The following ITGA9 variants were observed in gnomAD, a reference collection of about 807,000 sequenced individuals.
ITGA9 encodes integrin alpha-9.
Under a neutral mutation model 127.8 loss-of-function variants are expected in ITGA9, and 56 were observed. That is an observed-to-expected ratio of 0.44 (90% CI 0.35 to 0.55). ITGA9 has a LOEUF of 0.55. Among genes scored for constraint, ITGA9 ranks in the 20% least tolerant of loss-of-function variants. The probability of loss-of-function intolerance (pLI) is 0.00; values close to 1 mark genes in which losing one functional copy is unlikely to be tolerated. For missense variants in ITGA9, 1,196 were observed against 1,347.1 expected, an observed-to-expected ratio of 0.89 and a Z score of 1.76; for synonymous variants, 508 against 514.5, an observed-to-expected ratio of 0.99 and a Z score of 0.17.
intron 15 of ITGA9, among the ~76,000 whole-genome samples, chr3:37,550,948 A>G (rs1459011003): frequency 6.6e-6 from 1 of 152,150 alleles, no homozygotes; most frequent in African/African-American, 2.4e-5. Flanking sequence ...ACTGGTGAGT[A>G]TTGGGCTTCT....
chr3:37,490,973 C>CCA (rs397726826), intron 4 of ITGA9, among the ~76,000 whole-genome samples: 11 of 133,284 alleles, frequency 8.3e-5, no homozygotes, highest in Admixed American at 1.5e-4. Flanking sequence ...GCTTCCCCCC[C>CCA]GCTTTTTTTT....
In ITGA9 at chr3:37,818,191, T is replaced by TAAAAAAAAAAAAAAAAA. The variant is rs748381488; in HGVS notation, c.3010-690_3010-674dup. 1.1e-3 allele frequency: 34 copies of TAAAAAAAAAAAAAAAAA among 31,970 alleles called. 1 individual carries two copies. The highest frequency in any genetic ancestry group is 5.4e-3 in the East Asian group (3 of 560). 2.0% of individuals were successfully genotyped at this position (31,970 alleles called of 1,614,324 possible). On this transcript the variant is annotated intron_variant, in intron 27 of 27. Transcript: ENST00000264741. ...CTTTCCACTGTACATTAAGACTCTCTAAAAAAAAAAAAAAAAAAAAAAAAA... is the reference window on the plus strand; with the variant it reads ...CTTTCCACTGTACATTAAGACTCTCTAAAAAAAAAAAAAAAAAAAAAAAAAAAAAAAAAAAAAAAAAA...
chr3:37,553,151 G>T (rs368291601), intron 15 of ITGA9, among the ~76,000 whole-genome samples: 8 of 151,858 alleles, frequency 5.3e-5, no homozygotes, highest in African/African-American at 1.9e-4. Flanking sequence ...CTATCTATTC[G>T]TACTTCTTAC....
intron 15 of ITGA9, among the ~76,000 whole-genome samples, chr3:37,624,200 CTTTTTTT>C (rs58307041): frequency 5.1e-4 from 44 of 85,760 alleles, no homozygotes; most frequent in Admixed American, 1.4e-3. Context: ...AAAAAAAACC[CTTTTTTT>C]TTTTTTTTTT....
chr3:37,787,356 GCTTAA>G (rs1310510839), intron 26 of ITGA9, among the ~76,000 whole-genome samples: 1 of 151,948 alleles, frequency 6.6e-6, no homozygotes, highest in Non-Finnish European at 1.5e-5. Context: ...GGAAAATGTT[GCTTAA>G]CATCTCGTTG....
intron 26 of ITGA9, among the ~76,000 whole-genome samples, chr3:37,801,738 CTG>C (rs1441239345): frequency 6.6e-6 from 1 of 152,220 alleles, no homozygotes; most frequent in East Asian, 1.9e-4. Flanking sequence ...AGGGCGGACT[CTG>C]TGCCAGATGC....
chr3:37,732,941 A>T, intron 19 of ITGA9, 143 bp downstream of exon 19: 1 of 703,078 alleles, frequency 1.4e-6, no homozygotes, highest in Non-Finnish European at 2.6e-6. Context: ...AAGCCCTGAC[A>T]TGCTCCTGTC....
intron 18 of ITGA9, among the ~76,000 whole-genome samples, chr3:37,710,400 T>TC (rs78035309): frequency 0.079 from 11,798 of 148,424 alleles, 1,248 homozygotes; most frequent in African/African-American, 0.25. Context: ...GAAATAAATA[T>TC]CCCCCCCCCA....
intron 15 of ITGA9, among the ~76,000 whole-genome samples, chr3:37,591,087 C>T (rs771870646): frequency 2.2e-4 from 34 of 152,104 alleles, no homozygotes; most frequent in Admixed American, 3.9e-4. Flanking sequence ...ACTTCCATGC[C>T]ACCCCTCCTG....
At chr3:37,481,051 C>A (rs1698546683) in intron 3 of ITGA9, among the ~76,000 whole-genome samples, 1 of 152,186 alleles carries the variant, frequency 6.6e-6, no homozygotes, top group South Asian at 2.1e-4. Flanking sequence ...TCACTCCAGA[C>A]CGGCCTTTCT....
intron 5 of ITGA9, among the ~76,000 whole-genome samples, chr3:37,495,490 T>C (rs1698718481): frequency 6.6e-6 from 1 of 152,120 alleles, no homozygotes; most frequent in Admixed American, 6.5e-5. Context: ...ATGTGGTTGC[T>C]CAGGCCAAAA....
chr3:37,669,569 T>C (rs186874128), intron 17 of ITGA9, among the ~76,000 whole-genome samples: 125 of 152,326 alleles, frequency 8.2e-4, no homozygotes, highest in African/African-American at 3.0e-3. Flanking sequence ...CCGGGCAGGC[T>C]GATTGCTTTT....
At chr3:37,741,701 C>A (rs375560217) in intron 20 of ITGA9, 29 bp from the exon 21 acceptor site, 2 of 1,573,022 alleles carry the variant, frequency 1.3e-6, no homozygotes, top group Admixed American at 1.7e-5. Context: ...TGTTGGCCAG[C>A]GTTCATTCAT....
intron 15 of ITGA9, among the ~76,000 whole-genome samples, chr3:37,613,191 C>T (rs1192143838): frequency 6.6e-6 from 1 of 150,680 alleles, no homozygotes; most frequent in Non-Finnish European, 1.5e-5. Context: ...TCAATTCCCA[C>T]ATATGAGTGA....
At chr3:37,619,052 C>T (rs1374292565) in intron 15 of ITGA9, among the ~76,000 whole-genome samples, 3 of 152,232 alleles carry the variant, frequency 2.0e-5, no homozygotes, top group African/African-American at 7.2e-5. Context: ...TTCTGTGTCA[C>T]TCATGCTGGG....
At chr3:37,763,101 G>C (rs994112126) in intron 23 of ITGA9, among the ~76,000 whole-genome samples, 1 of 152,248 alleles carries the variant, frequency 6.6e-6, no homozygotes, top group Admixed American at 6.5e-5. Flanking sequence ...CTAGTGCAGA[G>C]AGGAAAACAG....
At chr3:37,715,076 G>T (rs565534688) in intron 18 of ITGA9, among the ~76,000 whole-genome samples, 1 of 152,192 alleles carries the variant, frequency 6.6e-6, no homozygotes, top group African/African-American at 2.4e-5. Flanking sequence ...AAAATGCCAC[G>T]TGTTCAGAGC....
chr3:37,629,199 G>A lies in ITGA9; in HGVS notation c.1702G>A (p.Asp568Asn), dbSNP rs773694303. 9 of 1,612,844 alleles carry A rather than the reference G, an allele frequency of 5.6e-6. No homozygotes were observed. The highest frequency in any genetic ancestry group is 7.6e-6 in the Non-Finnish European group (9 of 1,179,906). The change falls in exon 16 of 28, where the codon GAC becomes AAC. Residue 568 changes from aspartate (D) to asparagine (N), a missense_variant. Transcript: ENST00000264741. The surrounding 1 kb of genome is among the most constrained non-coding windows in gnomAD (Gnocchi z 4.5). ...TTTATTGTTTCAGCGGAGGGTGCAGGACGTCATCAGCCCGATCGTGTTTGA... is the reference window on the plus strand; with the variant it reads ...TTTATTGTTTCAGCGGAGGGTGCAGAACGTCATCAGCCCGATCGTGTTTGA... ...YVAHVKRRVQDVISPIVFEAA... is the reference protein window; with the variant it reads ...YVAHVKRRVQNVISPIVFEAA...
chr3:37,578,420 C>T (rs528211635), intron 15 of ITGA9, among the ~76,000 whole-genome samples: 7 of 152,248 alleles, frequency 4.6e-5, no homozygotes, highest in Admixed American at 1.3e-4. Flanking sequence ...TGGTGGGAAA[C>T]GTAAAGGCCA....
Sources: gnomAD v4.1 joint callset for allele counts (sites outside exome capture counted in the v4.1 genomes callset) on GRCh38, gnomAD v4.1.1 for gene constraint, Gnocchi (gnomAD v3.1) non-coding constraint, MANE v1.5 for transcripts, NCBI Gene and HGNC (gene_info 2026-07-23, HGNC 2026-07-21) for gene names.